CD99: variants seen among roughly 807,000 people sequenced by gnomAD.
CD99 encodes CD99 molecule (Xg blood group).
In CD99, 19 loss-of-function variants were observed where a neutral mutation model predicts 28.4. That is an observed-to-expected ratio of 0.67 (90% CI 0.47 to 0.98). The LOEUF (loss-of-function observed/expected upper bound fraction) is 0.98. Among genes scored for constraint, CD99 ranks in the 50% least tolerant of loss-of-function variants. The pLI, the probability that CD99 is intolerant of heterozygous loss-of-function variation, is 0.00. For synonymous variants in CD99, 103 were observed against 92.1 expected (o/e 1.12, Z -0.67); for missense variants, 283 against 248.8 (o/e 1.14, Z -0.92).
chrX:2,707,060 C>T (rs1336848337), intron 1 of CD99, among the ~76,000 whole-genome samples: 3 of 152,092 alleles, frequency 2.0e-5, no homozygotes, highest in Non-Finnish European at 4.4e-5. Context: ...TCGGGCGCGG[C>T]GGCTCACATC....
At chrX:2,691,906 G>A (rs2047322022) in intron 1 of CD99, 4 of 779,250 alleles carry the variant, frequency 5.1e-6, no homozygotes, top group South Asian at 4.0e-5. Context: ...GACCCGGGTG[G>A]TGGGGGGAAG....
chrX:2,698,829 C>T (rs1392678738), intron 1 of CD99, among the ~76,000 whole-genome samples: 2 of 152,172 alleles, frequency 1.3e-5, no homozygotes, highest in Admixed American at 1.3e-4. Flanking sequence ...GACCTAGATC[C>T]GAGGTTCTCA....
intron 1 of CD99, among the ~76,000 whole-genome samples, chrX:2,713,061 CACAT>C (rs1250835257): frequency 6.6e-6 from 1 of 151,738 alleles, no homozygotes; most frequent in African/African-American, 2.4e-5. Context: ...CACACCTACA[CACAT>C]AAACATATTG....
At chrX:2,701,736 C>T (rs775392372) in intron 1 of CD99, among the ~76,000 whole-genome samples, 3 of 152,352 alleles carry the variant, frequency 2.0e-5, no homozygotes, top group South Asian at 4.1e-4. Context: ...AAGGGTTTGA[C>T]GCAGACAGCT....
intron 2 of CD99, chrX:2,714,709 A>T (rs1339609940): frequency 2.7e-6 from 1 of 373,808 alleles, no homozygotes; most frequent in East Asian, 4.0e-5. Context: ...GCAGATACAG[A>T]GACAGGAAGT....
At chrX:2,698,850 C>T (rs5982575) in intron 1 of CD99, among the ~76,000 whole-genome samples, 9,721 of 152,190 alleles carry the variant, frequency 0.064, 1,053 homozygotes, top group African/African-American at 0.22. Flanking sequence ...GCTTTGGCCC[C>T]ATTGCGGGAA....
At chrX:2,703,651 T>TGTGTGTGTG (rs1569428530) in intron 1 of CD99, among the ~76,000 whole-genome samples, 16 of 145,458 alleles carry the variant, frequency 1.1e-4, no homozygotes, top group African/African-American at 3.6e-4. Context: ...TGTGTGTGTG[T>TGTGTGTGTG]TGGCCTCACA....
At chrX:2,739,920 TA>T (rs760923352) in intron 9 of CD99, among the ~76,000 whole-genome samples, 335 of 110,114 alleles carry the variant, frequency 3.0e-3, no homozygotes, top group Middle Eastern at 5.4e-3. Flanking sequence ...TACTAAAAAT[TA>T]AAAAAAAAAA....
chrX:2,695,765 C>T (rs759271841), intron 1 of CD99, among the ~76,000 whole-genome samples: 1 of 151,840 alleles, frequency 6.6e-6, no homozygotes, highest in Admixed American at 6.6e-5. Context: ...ACCTGAATAG[C>T]TGGGAATACA....
chrX:2,736,728 A>G (rs1302429688), intron 8 of CD99, among the ~76,000 whole-genome samples: 3 of 151,918 alleles, frequency 2.0e-5, no homozygotes, highest in East Asian at 3.9e-4. Context: ...GTGGTGGTGC[A>G]TGCCTGAAAT....
At chrX:2,693,112 G>A (rs1246877607) in intron 1 of CD99, among the ~76,000 whole-genome samples, 1 of 151,792 alleles carries the variant, frequency 6.6e-6, no homozygotes, top group African/African-American at 2.4e-5. Flanking sequence ...CCCCAAACAA[G>A]TCGTTGCACA....
At chrX:2,738,926 C>T (rs1329160834) in intron 9 of CD99, among the ~76,000 whole-genome samples, 1 of 151,998 alleles carries the variant, frequency 6.6e-6, no homozygotes, top group Non-Finnish European at 1.5e-5. Flanking sequence ...TAACTTACTG[C>T]AGCCTCGATC....
rs187529060 is a variant in CD99, at chrX:2,713,450, A to G, written c.68-972A>G. ...ACCCACAACACATACACATATGCAC[A>G]CACAGAACTCACCTACACACCCCAT... is the stretch of plus-strand genomic sequence containing the variant. On this transcript the variant is annotated intron_variant, in intron 1 of 9. Transcript: ENST00000381192. Among the ~76,000 whole-genome samples the G allele has an allele frequency of 3.3e-3, 501 of 152,238 alleles. 2 individuals carry two copies. The highest frequency in any genetic ancestry group is 0.012 in the African/African-American group (483 of 41,538).
Position 2,691,319 on chromosome X carries a change from G to A in CD99, c.-42G>A, listed in dbSNP as rs1305502354. On this transcript the variant is annotated 5_prime_UTR_variant, in exon 1 of 10. Coordinates refer to ENST00000381192, the MANE Select transcript of CD99 (RefSeq NM_002414.5). The stretch of plus-strand genomic sequence containing the variant: ...TATCTGTCCTGCCGCCTTCGCCCAC[G>A]CCCTGCACTCCGGGACCGTCCCTGC... The A allele has an allele frequency of 1.3e-6, 2 of 1,502,874 alleles. No homozygotes were observed. The highest frequency in any genetic ancestry group is 2.1e-5 in the Admixed American group (1 of 47,820). 93.1% of individuals were successfully genotyped at this position (1,502,874 alleles called of 1,614,324 possible).
In CD99 at chrX:2,709,683, C is replaced by T. The variant is rs191741285; in HGVS notation, c.68-4739C>T. Among the ~76,000 whole-genome samples the T allele has an allele frequency of 3.5e-4, 54 of 152,342 alleles. No homozygotes were observed. In the East Asian group the frequency reaches 7.5e-3, roughly 21 times the overall value. On this transcript the variant is annotated intron_variant, in intron 1 of 9. Coordinates refer to ENST00000381192, the MANE Select transcript of CD99 (RefSeq NM_002414.5). ...ACATGTACACATGAGCACATCCACA[C>T]GCGCACATGCATGAACATAGACACA...
At chrX:2,736,207 A>C (rs2049931026) in intron 8 of CD99, among the ~76,000 whole-genome samples, 1 of 151,618 alleles carries the variant, frequency 6.6e-6, no homozygotes, top group East Asian at 1.9e-4. Context: ...GTCTCAAAAA[A>C]AAAAAAAAAA....
intron 3 of CD99, among the ~76,000 whole-genome samples, chrX:2,718,226 C>T (rs1219794604): frequency 5.9e-5 from 9 of 151,952 alleles, no homozygotes; most frequent in Non-Finnish European, 7.4e-5. Flanking sequence ...CCACCATGCA[C>T]GGCCTGTGTC....
At chrX:2,720,524 C>G in intron 5 of CD99, 100 bp downstream of exon 5, 1 of 1,075,228 alleles carries the variant, frequency 9.3e-7, no homozygotes, top group Admixed American at 1.7e-5. Context: ...TGTGTGCTTA[C>G]TGTTGACTGC....
chrX:2,724,178 G>T (rs777429522), intron 7 of CD99, among the ~76,000 whole-genome samples: 1 of 152,252 alleles, frequency 6.6e-6, no homozygotes, highest in South Asian at 2.1e-4. Flanking sequence ...AAATAGCTAA[G>T]AAAACACATG....
Sources: gnomAD v4.1 joint callset for allele counts (sites outside exome capture counted in the v4.1 genomes callset) on GRCh38, gnomAD v4.1.1 for gene constraint, MANE v1.5 for transcripts, NCBI Gene and HGNC (gene_info 2026-07-23, HGNC 2026-07-21) for gene names.